Variants in GPM6A observed in about 807,000 individuals in gnomAD.
GPM6A encodes the protein glycoprotein M6A.
Under a neutral mutation model 32.1 loss-of-function variants are expected in GPM6A, and 7 were observed. That is an observed-to-expected ratio of 0.22 (90% confidence interval 0.12 to 0.41). The LOEUF is 0.41. GPM6A is among the 10% of genes least tolerant of loss of function. The probability of loss-of-function intolerance (pLI) is 1.00; values close to 1 mark genes in which losing one functional copy is unlikely to be tolerated. For missense variants in GPM6A, 235 were observed against 347.2 expected, an observed-to-expected ratio of 0.68 and a Z score of 2.57; for synonymous variants, 130 against 123.4, an observed-to-expected ratio of 1.05 and a Z score of -0.35.
intron 1 of GPM6A, among the ~76,000 whole-genome samples, chr4:175,891,117 A>T (rs561681932): frequency 6.6e-6 from 1 of 152,266 alleles, no homozygotes; most frequent in African/African-American, 2.4e-5. Context: ...AACATAAGTA[A>T]TTTTACATCA....
intron 1 of GPM6A, among the ~76,000 whole-genome samples, chr4:175,928,872 A>G (rs1738932959): frequency 1.3e-5 from 2 of 152,218 alleles, no homozygotes. Context: ...TCTGAAAACT[A>G]AAGTAATGAA....
At chr4:175,858,983 T>C (rs1736496525) in intron 1 of GPM6A, among the ~76,000 whole-genome samples, 1 of 152,210 alleles carries the variant, frequency 6.6e-6, no homozygotes, top group African/African-American at 2.4e-5. Flanking sequence ...GTACATACTG[T>C]ATGATTTCAT....
Position 175,653,525 on chromosome 4 carries a change from C to A in GPM6A, c.388-1538G>T, listed in dbSNP as rs1024083504. ...TACATCTAAGATGAAACAAACCCTGCCTTAAGAATATTAGCAAATAAAATT... is the reference window on the plus strand; with the variant it reads ...TACATCTAAGATGAAACAAACCCTGACTTAAGAATATTAGCAAATAAAATT... On this transcript the variant is annotated intron_variant, in intron 3 of 6. Transcript: ENST00000393658. Among the ~76,000 whole-genome samples the A allele has an allele frequency of 2.6e-5, 4 of 152,026 alleles. No individual in the cohort carries two copies. The South Asian group carries it at 8.3e-4, about 32-fold the overall frequency.
At chr4:175,873,430 CT>C (rs1736975668) in intron 1 of GPM6A, among the ~76,000 whole-genome samples, 1 of 152,004 alleles carries the variant, frequency 6.6e-6, no homozygotes, top group Non-Finnish European at 1.5e-5. Context: ...GATGTTCACA[CT>C]TTAAAAATAT....
chr4:175,821,283 T>C (rs1183397022), intron 1 of GPM6A, among the ~76,000 whole-genome samples: 4 of 152,186 alleles, frequency 2.6e-5, no homozygotes, highest in Non-Finnish European at 5.9e-5. Context: ...ATTTTCCTCT[T>C]TTGAGAAATG....
At chr4:175,675,426 A>G (rs1172177275) in intron 2 of GPM6A, among the ~76,000 whole-genome samples, 1 of 152,098 alleles carries the variant, frequency 6.6e-6, no homozygotes, top group Non-Finnish European at 1.5e-5. Context: ...AATTATATAC[A>G]TTTCTTTGGA....
chr4:175,847,029 G>T (rs1736113150), intron 1 of GPM6A, among the ~76,000 whole-genome samples: 1 of 152,034 alleles, frequency 6.6e-6, no homozygotes, highest in Admixed American at 6.6e-5. Flanking sequence ...TCCCTTTTTA[G>T]CTCAAACAAT....
intron 1 of GPM6A, among the ~76,000 whole-genome samples, chr4:175,876,187 G>A (rs957058549): frequency 6.6e-6 from 1 of 152,080 alleles, no homozygotes; most frequent in Admixed American, 6.6e-5. Flanking sequence ...TCTAAAAATA[G>A]TATTACTGTG....
At chr4:175,989,583 T>C (rs1357462534) in intron 1 of GPM6A, among the ~76,000 whole-genome samples, 1 of 152,174 alleles carries the variant, frequency 6.6e-6, no homozygotes, top group Non-Finnish European at 1.5e-5. Context: ...AAGCTGTTGG[T>C]ATCCTGCAAT....
chr4:175,970,468 T>G (rs1485095556), intron 1 of GPM6A, among the ~76,000 whole-genome samples: 1 of 152,140 alleles, frequency 6.6e-6, no homozygotes, highest in African/African-American at 2.4e-5. Flanking sequence ...GGTTTGTTCG[T>G]GTGTGTGTGT....
upstream of GPM6A, among the ~76,000 whole-genome samples, chr4:175,815,507 T>C (rs181597473): frequency 1.3e-5 from 2 of 152,292 alleles, no homozygotes; most frequent in Admixed American, 6.5e-5. Context: ...TGTGTCCTTA[T>C]GGGGACTGAA....
At chr4:175,808,896 A>G (rs1413853894) in intron 1 of GPM6A, 1 of 152,234 alleles carries the variant, frequency 6.6e-6, no homozygotes, top group South Asian at 2.1e-4. Flanking sequence ...TGTTTGGAAC[A>G]GTTCAGCCAA....
chr4:175,646,408 G>A (rs999929209), intron 4 of GPM6A, among the ~76,000 whole-genome samples: 3 of 152,078 alleles, frequency 2.0e-5, no homozygotes, highest in African/African-American at 7.2e-5. Flanking sequence ...GGTTAAAAGC[G>A]CTATTTATTT....
At chr4:175,767,654 G>C (rs943147988) in intron 1 of GPM6A, among the ~76,000 whole-genome samples, 3 of 152,160 alleles carry the variant, frequency 2.0e-5, no homozygotes, top group African/African-American at 7.2e-5. Flanking sequence ...CTGTAGTTAT[G>C]GCTTCAGCCA....
At chr4:175,953,613 C>T (rs1176177624) in intron 1 of GPM6A, among the ~76,000 whole-genome samples, 1 of 152,082 alleles carries the variant, frequency 6.6e-6, no homozygotes, top group African/African-American at 2.4e-5. Context: ...ATAAAAACTA[C>T]CATGGAGGTC....
At chr4:175,862,809 T>C (rs1016484160) in intron 1 of GPM6A, among the ~76,000 whole-genome samples, 4 of 152,168 alleles carry the variant, frequency 2.6e-5, no homozygotes, top group African/African-American at 9.6e-5. Flanking sequence ...GAATATTTCA[T>C]GCAAATTTTG....
At chr4:175,805,686 C>T (rs1472958000) in intron 1 of GPM6A, among the ~76,000 whole-genome samples, 2 of 152,108 alleles carry the variant, frequency 1.3e-5, no homozygotes, top group African/African-American at 2.4e-5. Flanking sequence ...ATATATACAG[C>T]AGTTAATGTT....
intron 1 of GPM6A, among the ~76,000 whole-genome samples, chr4:175,892,880 A>G (rs1737688765): frequency 6.6e-6 from 1 of 152,192 alleles, no homozygotes; most frequent in African/African-American, 2.4e-5. Context: ...GTCAAGACTC[A>G]GATCAGGACT....
Position 175,634,819 on chromosome 4 carries a change from G to C in GPM6A, c.*86C>G, listed in dbSNP as rs561064393. On this transcript the variant is annotated 3_prime_UTR_variant, in exon 7 of 7. Coordinates refer to ENST00000393658, the MANE Select transcript of GPM6A (RefSeq NM_201591.3). Reference sequence around the variant, plus strand: ...CATATCATTGATGAGAAGCACTTTCGTTTTGTTTTTTAAAGGTTGGATGGT... The same window carrying C: ...CATATCATTGATGAGAAGCACTTTCCTTTTGTTTTTTAAAGGTTGGATGGT... The C allele has an allele frequency of 9.2e-7, 1 of 1,086,816 alleles. No homozygotes were observed. Among genetic ancestry groups the C allele is most frequent in the South Asian group, 1.4e-5 (1 of 73,496 alleles). 67.3% of individuals were successfully genotyped at this position (1,086,816 alleles called of 1,614,324 possible).
Sources: gnomAD v4.1 joint callset for allele counts (sites outside exome capture counted in the v4.1 genomes callset) on GRCh38, gnomAD v4.1.1 for gene constraint, MANE v1.5 for transcripts, NCBI Gene and HGNC (gene_info 2026-07-23, HGNC 2026-07-21) for gene names.